The following CSMD1 variants were observed in gnomAD, a reference collection of about 807,000 sequenced individuals.
The protein encoded by CSMD1 is CUB and Sushi multiple domains 1.
Under a neutral mutation model 417.5 loss-of-function variants are expected in CSMD1, and 213 were observed. The ratio of observed to expected loss-of-function variants is 0.51; its 90% confidence interval spans 0.46 to 0.57. CSMD1 has a LOEUF of 0.57. Ranked by LOEUF, CSMD1 falls within the 20% of genes least tolerant of loss-of-function variation. CSMD1 has a pLI of 0.00. For synonymous variants in CSMD1, 2,862 were observed against 1,736.8 expected, an observed-to-expected ratio of 1.65 and a Z score of -16.11; for missense variants, 6,923 against 4,529.7, an observed-to-expected ratio of 1.53 and a Z score of -15.17.
chr8:4,953,494 C>A (rs1808884062), intron 1 of CSMD1, among the ~76,000 whole-genome samples: 1 of 152,120 alleles, frequency 6.6e-6, no homozygotes, highest in South Asian at 2.1e-4. Context: ...ATGAACCCAA[C>A]ATCGTCCACG....
At chr8:4,857,553 T>C (rs1471119699) in intron 1 of CSMD1, among the ~76,000 whole-genome samples, 2 of 152,084 alleles carry the variant, frequency 1.3e-5, no homozygotes, top group African/African-American at 4.8e-5. Context: ...AAGAATCAAA[T>C]AGACGCAGTA....
At chr8:3,940,570 T>C (rs1810812058) in intron 5 of CSMD1, among the ~76,000 whole-genome samples, 1 of 151,238 alleles carries the variant, frequency 6.6e-6, no homozygotes. Context: ...TGTGTGGATA[T>C]AGGTATTCAA....
chr8:3,622,281 T>A (rs1220378619), intron 7 of CSMD1, among the ~76,000 whole-genome samples: 1 of 152,230 alleles, frequency 6.6e-6, no homozygotes, highest in South Asian at 2.1e-4. Flanking sequence ...AAAATCATTA[T>A]TGCTGTGGCA....
intron 5 of CSMD1, among the ~76,000 whole-genome samples, chr8:3,801,605 G>T (rs1403237987): frequency 6.6e-6 from 1 of 150,974 alleles, no homozygotes; most frequent in African/African-American, 2.4e-5. Context: ...TGTGAGTAAA[G>T]AATTCCACTC....
In CSMD1 at chr8:4,241,735, G is replaced by C. The variant is rs1022459837; in HGVS notation, c.415+178218C>G. Among the ~76,000 whole-genome samples, 4 of 147,498 alleles carry C rather than the reference G, an allele frequency of 2.7e-5. No homozygotes were observed. In the East Asian group the frequency reaches 8.0e-4, roughly 29 times the overall value. On this transcript the variant is annotated intron_variant, in intron 3 of 69. Coordinates refer to ENST00000635120, the MANE Select transcript of CSMD1 (RefSeq NM_033225.6). ...TTTTTTTTTTTTGAGACGGAGTCTCGCTCTGTCGCCCAGGCTGGAGTGCAG... is the reference window on the plus strand; with the variant it reads ...TTTTTTTTTTTTGAGACGGAGTCTCCCTCTGTCGCCCAGGCTGGAGTGCAG...
At chr8:3,773,930 G>T (rs370129711) in intron 5 of CSMD1, among the ~76,000 whole-genome samples, 1 of 152,034 alleles carries the variant, frequency 6.6e-6, no homozygotes, top group Non-Finnish European at 1.5e-5. Context: ...TGAGTAATTT[G>T]CATGACATTG....
At chr8:4,710,103 G>C (rs987155018) in intron 1 of CSMD1, among the ~76,000 whole-genome samples, 3 of 152,074 alleles carry the variant, frequency 2.0e-5, no homozygotes, top group Non-Finnish European at 4.4e-5. Flanking sequence ...CCAAGGAAAA[G>C]CAAGTTCTGA....
rs114968146 is a variant in CSMD1 at position 4,497,459 on chromosome 8, C to A, written c.303-77394G>T. On this transcript the variant is annotated intron_variant, in intron 2 of 69. Transcript: ENST00000635120. Reference sequence around the variant, plus strand: ...AATTTATGCATAACCTTTCCAGGCCCAATTGTGTTTCACAGTTATAACCTG... The same window carrying A: ...AATTTATGCATAACCTTTCCAGGCCAAATTGTGTTTCACAGTTATAACCTG... 2.4e-3 allele frequency among the ~76,000 whole-genome samples: 367 copies of A among 152,262 alleles called. 1 individual carries two copies. Among genetic ancestry groups the A allele is most frequent in the African/African-American group, 7.4e-3 (309 of 41,536 alleles).
At chr8:3,833,196 T>G (rs937163408) in intron 5 of CSMD1, among the ~76,000 whole-genome samples, 2 of 152,150 alleles carry the variant, frequency 1.3e-5, no homozygotes, top group African/African-American at 4.8e-5. Flanking sequence ...TCCAAAGAAT[T>G]TTTAATCAAG....
intron 5 of CSMD1, among the ~76,000 whole-genome samples, chr8:3,850,011 G>GCCACGTTGC (rs11282163): frequency 6.6e-6 from 1 of 151,782 alleles, no homozygotes; most frequent in South Asian, 2.1e-4. Flanking sequence ...CACGATGTTG[G>GCCACGTTGC]TCTCAAACTT....
chr8:3,257,750 G>A (rs1007778614), intron 26 of CSMD1, among the ~76,000 whole-genome samples: 14 of 152,270 alleles, frequency 9.2e-5, no homozygotes, highest in Admixed American at 2.0e-4. Flanking sequence ...TTCTGGGGCT[G>A]GAGCTGAGAA....
intron 2 of CSMD1, among the ~76,000 whole-genome samples, chr8:4,526,061 A>G (rs1434110319): frequency 1.3e-5 from 2 of 152,202 alleles, no homozygotes. Flanking sequence ...ACTCTAGGCT[A>G]TTCATTTTCC....
intron 21 of CSMD1, among the ~76,000 whole-genome samples, chr8:3,352,273 T>C (rs751810063): frequency 7.9e-5 from 12 of 152,136 alleles, no homozygotes; most frequent in African/African-American, 2.7e-4. Context: ...GGAGATGGGA[T>C]TGCAAACACA....
intron 12 of CSMD1, among the ~76,000 whole-genome samples, chr8:3,429,849 G>A (rs2938237): frequency 6.6e-6 from 1 of 151,928 alleles, no homozygotes; most frequent in African/African-American, 2.4e-5. Flanking sequence ...TACATCCACA[G>A]CAACAGCCAG....
intron 26 of CSMD1, among the ~76,000 whole-genome samples, chr8:3,272,249 G>A (rs375804728): frequency 0.18 from 20,848 of 118,608 alleles, 2,561 homozygotes; most frequent in African/African-American, 0.27. Flanking sequence ...GTAGATATGC[G>A]GCGTTATTTC....
intron 2 of CSMD1, among the ~76,000 whole-genome samples, chr8:4,532,767 C>G (rs868505151): frequency 4.7e-5 from 7 of 148,884 alleles, no homozygotes; most frequent in Non-Finnish European, 8.9e-5. Context: ...TTCAGTCACT[C>G]CGGAAGAGAA....
At position 4,306,835 on chromosome 8, in the gene CSMD1, T is replaced by TAA. The variant is rs35240431; in HGVS notation, c.415+113116_415+113117dup. 4.9e-3 allele frequency among the ~76,000 whole-genome samples: 737 copies of TAA among 151,442 alleles called. 14 individuals carry two copies. Among genetic ancestry groups the TAA allele is most frequent in the African/African-American group, 0.017 (691 of 41,206 alleles). On this transcript the variant is annotated intron_variant, in intron 3 of 69. Transcript: ENST00000635120. ...AATCAATCCCTAACATCTCCAGATTTAAAAAAAATCTAATAATTTTTCAAT... is the reference window on the plus strand; with the variant it reads ...AATCAATCCCTAACATCTCCAGATTTAAAAAAAAAATCTAATAATTTTTCAAT...
chr8:4,935,812 A>G (rs1392553903), intron 1 of CSMD1, among the ~76,000 whole-genome samples: 1 of 152,240 alleles, frequency 6.6e-6, no homozygotes, highest in Non-Finnish European at 1.5e-5. Context: ...GCAACTTGAG[A>G]GAGTGCTCGG....
chr8:4,925,430 G>C (rs1806791043), intron 1 of CSMD1, among the ~76,000 whole-genome samples: 1 of 151,402 alleles, frequency 6.6e-6, no homozygotes, highest in South Asian at 2.1e-4. Context: ...CTTTCCTACA[G>C]AACTTACTGT....
Sources: allele counts gnomAD v4.1 joint callset (sites outside exome capture counted in the v4.1 genomes callset), GRCh38; gene constraint gnomAD v4.1.1; transcripts MANE v1.5; gene names NCBI Gene and HGNC (gene_info 2026-07-23, HGNC 2026-07-21).